The following INSC variants were observed in gnomAD, a reference collection of about 807,000 sequenced individuals.
The protein encoded by INSC is protein inscuteable homolog.
INSC carries 67 observed loss-of-function variants against 58.6 expected under a neutral mutation model. The ratio of observed to expected loss-of-function variants is 1.14; its 90% CI spans 0.94 to 1.40. The LOEUF is 1.40. INSC is among the 40% of genes most tolerant of loss of function. The probability of loss-of-function intolerance (pLI) is 0.00; values close to 1 mark genes in which losing one functional copy is unlikely to be tolerated. For missense variants in INSC, 714 were observed against 692.0 expected (o/e 1.03, Z -0.36); for synonymous variants, 262 against 276.1 (o/e 0.95, Z 0.51).
rs372283541 is a variant in INSC, at chr11:15,143,702, C to A, written c.-45-5428C>A. ...GAAAGGGGCAAGTGATGAAAGGAAG[C>A]CCTTGCAGAGGTCCAAGTGAGAGAT... On this transcript the variant is annotated intron_variant, in intron 1 of 12. Coordinates refer to ENST00000379556, the MANE Select transcript of INSC (RefSeq NM_001042536.3). 5.3e-5 allele frequency among the ~76,000 whole-genome samples: 8 copies of A among 152,150 alleles called. No homozygotes were observed. The East Asian group carries it at 9.7e-4, about 18-fold the overall frequency.
chr11:15,183,795 T>C (rs2679636), intron 5 of INSC, among the ~76,000 whole-genome samples: 119,402 of 152,112 alleles, frequency 0.78, 47,034 homozygotes, highest in East Asian at 0.99. Context: ...AATTTCAAGA[T>C]ATATTGGATA....
intron 7 of INSC, among the ~76,000 whole-genome samples, chr11:15,217,294 A>T (rs1420018303): frequency 6.6e-6 from 1 of 152,222 alleles, no homozygotes; most frequent in East Asian, 1.9e-4. Flanking sequence ...ACTCACTATC[A>T]CAAGAACAGC....
chr11:15,259,507 G>T, the INSC span, among the ~76,000 whole-genome samples: 67 of 152,244 alleles, frequency 4.4e-4, no homozygotes, highest in South Asian at 1.5e-3. Context: ...AGAAAGAGTT[G>T]TATGACTTGA....
At chr11:15,262,655 A>AACAC in the INSC span, among the ~76,000 whole-genome samples, 20,976 of 146,494 alleles carry the variant, frequency 0.14, 1,603 homozygotes, top group Middle Eastern at 0.2. Context: ...CTGGGTGATA[A>AACAC]ACACACACAC....
the INSC span, among the ~76,000 whole-genome samples, chr11:15,266,891 C>G: frequency 6.6e-6 from 1 of 151,912 alleles, no homozygotes; most frequent in Admixed American, 6.6e-5. Context: ...TAGGAAGACA[C>G]TCAGAGATGA....
chr11:15,135,686 C>T (rs1188678926), intron 1 of INSC, among the ~76,000 whole-genome samples: 3 of 152,214 alleles, frequency 2.0e-5, no homozygotes, highest in Non-Finnish European at 4.4e-5. Flanking sequence ...GTCAATTTTA[C>T]TAATCACAGA....
At chr11:15,265,436 T>C in the INSC span, among the ~76,000 whole-genome samples, 176 of 152,178 alleles carry the variant, frequency 1.2e-3, no homozygotes, top group African/African-American at 3.8e-3. Flanking sequence ...TAGTGTTCTT[T>C]ATGGGAAGAT....
intron 7 of INSC, among the ~76,000 whole-genome samples, chr11:15,221,243 A>G (rs538824738): frequency 2.1e-4 from 32 of 152,084 alleles, no homozygotes; most frequent in African/African-American, 7.5e-4. Context: ...GGCCCATGAA[A>G]GGTTACTGAT....
intron 7 of INSC, among the ~76,000 whole-genome samples, chr11:15,217,973 C>G (rs774652660): frequency 6.6e-6 from 1 of 152,112 alleles, no homozygotes; most frequent in Non-Finnish European, 1.5e-5. Flanking sequence ...AAACAATTGG[C>G]AATACCAATA....
the INSC span, among the ~76,000 whole-genome samples, chr11:15,267,158 C>T: frequency 1.4e-4 from 21 of 152,002 alleles, no homozygotes; most frequent in South Asian, 2.5e-3. Flanking sequence ...ATTCCTCTAG[C>T]GCCAGTTTTG....
intron 11 of INSC, among the ~76,000 whole-genome samples, chr11:15,239,467 A>G (rs1317301456): frequency 6.6e-6 from 1 of 152,152 alleles, no homozygotes; most frequent in Non-Finnish European, 1.5e-5. Context: ...TAACCCATTC[A>G]TGACTTCATT....
At chr11:15,146,456 C>T (rs1223888358) in intron 1 of INSC, among the ~76,000 whole-genome samples, 2 of 152,184 alleles carry the variant, frequency 1.3e-5, no homozygotes, top group South Asian at 4.1e-4. Flanking sequence ...CCTTAGGGTG[C>T]CTCCCCAGCC....
chr11:15,181,575 G>C (rs917836596), intron 5 of INSC, among the ~76,000 whole-genome samples: 5 of 152,130 alleles, frequency 3.3e-5, no homozygotes, highest in African/African-American at 9.7e-5. Context: ...ACTGGAATGA[G>C]GCCTTCCTGG....
intron 2 of INSC, among the ~76,000 whole-genome samples, chr11:15,157,308 C>T (rs1732153532): frequency 6.6e-6 from 1 of 152,214 alleles, no homozygotes; most frequent in African/African-American, 2.4e-5. Context: ...CTTACAAGCT[C>T]CTGACTCTGG....
Position 15,225,845 on chromosome 11 carries a change from G to A in INSC, c.1170+17G>A. On this transcript the variant is annotated intron_variant, in intron 9 of 12. Transcript: ENST00000379556. ...CGGGACCAGGTAAGACGCCCAGAAGGCACTGAGCACAGGGCCCATAGCCAT... is the reference window on the plus strand; with the variant it reads ...CGGGACCAGGTAAGACGCCCAGAAGACACTGAGCACAGGGCCCATAGCCAT... 6.2e-7 allele frequency: 1 copy of A among 1,606,790 alleles called. No homozygotes were observed. Among genetic ancestry groups the A allele is most frequent in the Non-Finnish European group, 8.5e-7 (1 of 1,176,614 alleles).
the INSC span, among the ~76,000 whole-genome samples, chr11:15,261,997 T>C: frequency 4.6e-5 from 7 of 152,030 alleles, no homozygotes; most frequent in Non-Finnish European, 1.0e-4. Context: ...AGGGGACAAG[T>C]AGAGCTAGCA....
At chr11:15,124,888 A>T (rs1277406169) in intron 1 of INSC, among the ~76,000 whole-genome samples, 2 of 152,058 alleles carry the variant, frequency 1.3e-5, no homozygotes, top group African/African-American at 4.8e-5. Flanking sequence ...TCCCTCACGA[A>T]TTCATTCATT....
the INSC span, among the ~76,000 whole-genome samples, chr11:15,256,769 T>A: frequency 6.6e-6 from 1 of 152,116 alleles, no homozygotes; most frequent in African/African-American, 2.4e-5. Flanking sequence ...ATTACACGGG[T>A]GAGGCACTGC....
intron 2 of INSC, among the ~76,000 whole-genome samples, chr11:15,171,252 A>G (rs1849386655): frequency 6.6e-6 from 1 of 152,116 alleles, no homozygotes; most frequent in African/African-American, 2.4e-5. Flanking sequence ...CCCAGCACAC[A>G]GGTTTCCTTT....
Sources: gnomAD v4.1 joint callset for allele counts (sites outside exome capture counted in the v4.1 genomes callset) on GRCh38, gnomAD v4.1.1 for gene constraint, MANE v1.5 for transcripts, NCBI Gene and HGNC (gene_info 2026-07-23, HGNC 2026-07-21) for gene names.